Variants in ARHGEF37 observed in about 807,000 individuals in gnomAD.
ARHGEF37 encodes Rho guanine nucleotide exchange factor (GEF) 37.
A neutral mutation model predicts 71.1 loss-of-function variants in ARHGEF37; 55 were observed. That is an observed-to-expected ratio of 0.77 (90% CI 0.62 to 0.97). The LOEUF (loss-of-function observed/expected upper bound fraction) is 0.97, where lower values mean the gene tolerates loss of function less well. Ranked by LOEUF, ARHGEF37 falls within the 50% of genes least tolerant of loss-of-function variation. The probability of loss-of-function intolerance (pLI) is 0.00; values close to 1 mark genes in which losing one functional copy is unlikely to be tolerated. For missense variants in ARHGEF37, 765 were observed against 836.8 expected, an observed-to-expected ratio of 0.91 and a Z score of 1.06; for synonymous variants, 327 against 350.6, an observed-to-expected ratio of 0.93 and a Z score of 0.75.
chr5:149,565,727 G>T (rs1344214555), intron 1 of ARHGEF37, among the ~76,000 whole-genome samples: 1 of 150,460 alleles, frequency 6.6e-6, no homozygotes, highest in African/African-American at 2.4e-5. Context: ...CCTAGATCTA[G>T]ACTATACTAC....
chr5:149,597,737 G>A (rs1359309890), intron 1 of ARHGEF37, 22 bp from the exon 2 acceptor site: 3 of 1,511,598 alleles, frequency 2.0e-6, no homozygotes, highest in South Asian at 2.7e-5. Context: ...GAAGTGAGTG[G>A]GGATGCTTTT....
intron 2 of ARHGEF37, 22 bp from the exon 3 acceptor site, chr5:149,601,086 A>C: frequency 1.2e-6 from 2 of 1,604,678 alleles, no homozygotes; most frequent in Non-Finnish European, 1.7e-6. Flanking sequence ...ACCACCTCTC[A>C]TGGCTTCTTT....
At chr5:149,555,876 C>T (rs560376180) in intron 1 of ARHGEF37, among the ~76,000 whole-genome samples, 1 of 152,076 alleles carries the variant, frequency 6.6e-6, no homozygotes, top group South Asian at 2.1e-4. Flanking sequence ...ATAATCCCTG[C>T]ACTTTGGGAG....
chr5:149,561,187 T>G (rs1390611668), intron 1 of ARHGEF37, among the ~76,000 whole-genome samples: 1 of 149,832 alleles, frequency 6.7e-6, no homozygotes. Context: ...GCAGGAGAAT[T>G]GCTTGAACCT....
upstream of ARHGEF37, among the ~76,000 whole-genome samples, chr5:149,577,042 G>A (rs1001264150): frequency 1.3e-5 from 2 of 151,994 alleles, no homozygotes; most frequent in East Asian, 1.9e-4. Flanking sequence ...CTTTTTACAC[G>A]GTTATAGAGA....
intron 10 of ARHGEF37, among the ~76,000 whole-genome samples, chr5:149,625,931 G>A (rs192775745): frequency 2.8e-4 from 43 of 152,298 alleles, no homozygotes; most frequent in African/African-American, 1.0e-3. Context: ...GCATAGGGAG[G>A]GCCGGTCAGC....
At chr5:149,589,714 G>A (rs1399268242) in intron 1 of ARHGEF37, among the ~76,000 whole-genome samples, 1 of 152,088 alleles carries the variant, frequency 6.6e-6, no homozygotes, top group African/African-American at 2.4e-5. Context: ...TTGCCAGGCT[G>A]GTCTTGAACT....
intron 1 of ARHGEF37, among the ~76,000 whole-genome samples, chr5:149,566,504 C>T (rs555347347): frequency 7.0e-6 from 1 of 142,668 alleles, no homozygotes; most frequent in African/African-American, 2.5e-5. Context: ...TCAACCCCCC[C>T]ATCCTCCCCC....
Position 149,587,935 on chromosome 5 carries a change from C to T in ARHGEF37, c.-12+6311C>T, listed in dbSNP as rs1390268241. Among the ~76,000 whole-genome samples, 17 of 145,826 alleles carry T rather than the reference C, an allele frequency of 1.2e-4. No homozygotes were observed. The East Asian group carries it at 2.2e-3, about 19-fold the overall frequency. On this transcript the variant is annotated intron_variant, in intron 1 of 12. Transcript: ENST00000333677. ...TTTTGGAGACAAAGTCTCACTCTGTCGCCCAGGCTGGAGTGCAGTGGCATG... is the reference window on the plus strand; with the variant it reads ...TTTTGGAGACAAAGTCTCACTCTGTTGCCCAGGCTGGAGTGCAGTGGCATG...
intron 1 of ARHGEF37, among the ~76,000 whole-genome samples, chr5:149,561,974 G>A (rs1762838327): frequency 6.6e-6 from 1 of 152,162 alleles, no homozygotes; most frequent in African/African-American, 2.4e-5. Context: ...ACTCACTATA[G>A]TAATCTAACT....
intron 4 of ARHGEF37, among the ~76,000 whole-genome samples, chr5:149,614,969 A>G (rs1270375785): frequency 2.0e-5 from 3 of 152,268 alleles, no homozygotes; most frequent in Admixed American, 6.5e-5. Flanking sequence ...GCTTTCTCCA[A>G]TCTGGGCCTA....
At chr5:149,606,264 T>G (rs1763910911) in intron 3 of ARHGEF37, among the ~76,000 whole-genome samples, 1 of 152,214 alleles carries the variant, frequency 6.6e-6, no homozygotes, top group African/African-American at 2.4e-5. Flanking sequence ...CTCACACAGC[T>G]TCTTCCTGGC....
At chr5:149,615,298 C>T (rs1752344414) in intron 4 of ARHGEF37, among the ~76,000 whole-genome samples, 1 of 144,410 alleles carries the variant, frequency 6.9e-6, no homozygotes, top group South Asian at 2.3e-4. Context: ...ACCACCATGC[C>T]TAGTTAATTT....
Position 149,563,650 on chromosome 5 carries a change from C to T in ARHGEF37, c.-12+11527C>T, listed in dbSNP as rs558174498. On this transcript the variant is annotated intron_variant, in intron 1 of 2. Transcript: ENST00000505810. ...GCCAAAGGTGACTTTCTCTAACCTT[C>T]CTGGGGGAGGGAGACAAGCTTTCAG... Among the ~76,000 whole-genome samples, 17 of 152,268 alleles carry T rather than the reference C, an allele frequency of 1.1e-4. No individual in the cohort carries two copies. In the East Asian group the frequency reaches 3.1e-3, roughly 28 times the overall value.
chr5:149,575,447 G>A (rs76589288), intron 1 of ARHGEF37, among the ~76,000 whole-genome samples: 2,373 of 152,234 alleles, frequency 0.016, 21 homozygotes, highest in Non-Finnish European at 0.022. Flanking sequence ...CTATGCTCAG[G>A]GGACTGACCC....
chr5:149,626,925 G>A, intron 10 of ARHGEF37, 151 bp from the exon 11 acceptor site: 1 of 616,642 alleles, frequency 1.6e-6, no homozygotes, highest in Non-Finnish European at 2.6e-6. Context: ...TGCTAGTGAG[G>A]GCCCTGTTGC....
Position 149,597,823 on chromosome 5 carries a change from G to A in ARHGEF37, c.54G>A (p.Arg18=), listed in dbSNP as rs765655589. ...EPSSRSGSPD[R]EGRASEDRSL... ...CCTCCAGGTCAGGGAGTCCGGACAGGGAAGGTAGGGCCTCTGAGGACAGAT... is the reference window on the plus strand; with the variant it reads ...CCTCCAGGTCAGGGAGTCCGGACAGAGAAGGTAGGGCCTCTGAGGACAGAT... The change falls in exon 2 of 13, where the codon AGG becomes AGA. Residue 18 remains arginine, a synonymous_variant. Coordinates refer to ENST00000333677, the MANE Select transcript of ARHGEF37 (RefSeq NM_001001669.3). 4.4e-6 allele frequency: 7 copies of A among 1,601,780 alleles called. No individual in the cohort carries two copies. The highest frequency in any genetic ancestry group is 6.0e-6 in the Non-Finnish European group (7 of 1,175,032).
chr5:149,566,667 T>C (rs1375742417), intron 1 of ARHGEF37, among the ~76,000 whole-genome samples: 4 of 152,138 alleles, frequency 2.6e-5, no homozygotes, highest in Non-Finnish European at 5.9e-5. Flanking sequence ...TTACAAAAGA[T>C]AGTAAGTGGA....
intron 1 of ARHGEF37, among the ~76,000 whole-genome samples, chr5:149,572,225 G>A (rs1762976725): frequency 1.3e-5 from 2 of 152,168 alleles, no homozygotes; most frequent in Non-Finnish European, 2.9e-5. Flanking sequence ...AACCAGTGAT[G>A]CTGGAAAAAC....
Sources: gnomAD v4.1 joint callset for allele counts (sites outside exome capture counted in the v4.1 genomes callset) on GRCh38, gnomAD v4.1.1 for gene constraint, MANE v1.5 for transcripts, NCBI Gene and HGNC (gene_info 2026-07-23, HGNC 2026-07-21) for gene names.